CNTN1: variants seen among roughly 807,000 people sequenced by gnomAD.
CNTN1 encodes contactin-1.
CNTN1 carries 38 observed loss-of-function variants against 126.4 expected under a neutral mutation model. That is an observed-to-expected ratio of 0.30 (90% CI 0.23 to 0.39). The LOEUF is 0.39. Ranked by LOEUF, CNTN1 falls within the 10% of genes least tolerant of loss-of-function variation. The pLI is 1.00. For synonymous variants in CNTN1, 413 were observed against 422.6 expected (o/e 0.98, Z 0.28); for missense variants, 1,009 against 1,248.4 (o/e 0.81, Z 2.89).
At chr12:40,876,111 T>C (rs1170674738) in intron 1 of CNTN1, among the ~76,000 whole-genome samples, 3 of 149,492 alleles carry the variant, frequency 2.0e-5, no homozygotes, top group African/African-American at 7.3e-5. Flanking sequence ...AGCTACAGGT[T>C]AAATATTGCT....
At chr12:40,925,001 A>C (rs1432576438) in intron 6 of CNTN1, among the ~76,000 whole-genome samples, 2 of 151,032 alleles carry the variant, frequency 1.3e-5, no homozygotes, top group Non-Finnish European at 3.0e-5. Flanking sequence ...ATGTATAATC[A>C]ATCATTTTCT....
At chr12:40,818,820 G>A (rs1941341832) in intron 1 of CNTN1, among the ~76,000 whole-genome samples, 2 of 152,048 alleles carry the variant, frequency 1.3e-5, no homozygotes, top group South Asian at 4.2e-4. Flanking sequence ...TCTAGTTTTG[G>A]TATTTGAGGC....
chr12:40,874,506 T>G (rs1943606051), intron 1 of CNTN1, among the ~76,000 whole-genome samples: 1 of 152,126 alleles, frequency 6.6e-6, no homozygotes, highest in African/African-American at 2.4e-5. Flanking sequence ...TATAAAGCAA[T>G]ATATAGAAAC....
chr12:40,774,689 T>C (rs947613072), intron 1 of CNTN1, among the ~76,000 whole-genome samples: 1 of 151,578 alleles, frequency 6.6e-6, no homozygotes, highest in Non-Finnish European at 1.5e-5. Context: ...CTCATCTCAA[T>C]ATATAATTTA....
At chr12:40,783,411 T>C (rs1939882765) in intron 1 of CNTN1, among the ~76,000 whole-genome samples, 1 of 152,078 alleles carries the variant, frequency 6.6e-6, no homozygotes, top group Non-Finnish European at 1.5e-5. Context: ...TCAAAAGATT[T>C]TGTGAGTTTT....
At chr12:41,006,851 G>A (rs1190271941) in intron 17 of CNTN1, among the ~76,000 whole-genome samples, 1 of 151,902 alleles carries the variant, frequency 6.6e-6, no homozygotes, top group Admixed American at 6.5e-5. Context: ...AGATGGCTGG[G>A]TAGCTGGGTG....
chr12:40,847,126 A>G (rs1443822188), intron 1 of CNTN1, among the ~76,000 whole-genome samples: 1 of 152,116 alleles, frequency 6.6e-6, no homozygotes, highest in Non-Finnish European at 1.5e-5. Flanking sequence ...TCGGCCTCCC[A>G]AAGTGCTGGG....
At chr12:40,829,175 A>C (rs1763787933) in intron 1 of CNTN1, among the ~76,000 whole-genome samples, 1 of 152,158 alleles carries the variant, frequency 6.6e-6, no homozygotes. Context: ...GAGAAAACAG[A>C]ATTAATAAAT....
At chr12:41,006,108 T>C (rs1436702916) in intron 17 of CNTN1, among the ~76,000 whole-genome samples, 1 of 152,184 alleles carries the variant, frequency 6.6e-6, no homozygotes, top group Admixed American at 6.5e-5. Context: ...TTTTATCCTA[T>C]TTGATGACCT....
chr12:40,697,706 C>T (rs1480447265), intron 1 of CNTN1, among the ~76,000 whole-genome samples: 1 of 152,180 alleles, frequency 6.6e-6, no homozygotes, highest in African/African-American at 2.4e-5. Context: ...TTATGTATAT[C>T]ATATGTATAT....
chr12:41,038,872 C>T (rs1411236677), intron 23 of CNTN1, among the ~76,000 whole-genome samples: 1 of 150,752 alleles, frequency 6.6e-6, no homozygotes, highest in Non-Finnish European at 1.5e-5. Flanking sequence ...CAGGGAGGGG[C>T]TTATTCTGAT....
At chr12:40,730,663 G>C (rs1035725073) in intron 1 of CNTN1, among the ~76,000 whole-genome samples, 3 of 152,076 alleles carry the variant, frequency 2.0e-5, no homozygotes, top group Non-Finnish European at 4.4e-5. Context: ...TAATTAATGG[G>C]TATTTGCTAA....
At chr12:40,819,477 G>C (rs926306393) in intron 1 of CNTN1, among the ~76,000 whole-genome samples, 2 of 152,202 alleles carry the variant, frequency 1.3e-5, no homozygotes, top group African/African-American at 4.8e-5. Context: ...TCCACAGCAA[G>C]TGTGCTGTGC....
At chr12:40,758,881 G>T (rs1592055546) in intron 1 of CNTN1, among the ~76,000 whole-genome samples, 1 of 11,012 alleles carries the variant, frequency 9.1e-5, no homozygotes, top group East Asian at 4.5e-3. Flanking sequence ...GAGGATTCAG[G>T]TTTTATATAT....
chr12:41,041,626 G>T (rs573954592), intron 23 of CNTN1, among the ~76,000 whole-genome samples: 1,710 of 151,806 alleles, frequency 0.011, 26 homozygotes, highest in African/African-American at 0.034. Context: ...AGTCAACTTC[G>T]TCCTGGTTTA....
intron 1 of CNTN1, among the ~76,000 whole-genome samples, chr12:40,808,099 T>A (rs1343406526): frequency 1.3e-5 from 2 of 152,206 alleles, no homozygotes; most frequent in African/African-American, 4.8e-5. Flanking sequence ...GGTGTTCTTT[T>A]AGATTCAGTC....
chr12:40,996,084 G>C (rs545306232), intron 17 of CNTN1, among the ~76,000 whole-genome samples: 1 of 151,856 alleles, frequency 6.6e-6, no homozygotes, highest in African/African-American at 2.4e-5. Flanking sequence ...TGGAATGCCC[G>C]CATTATTATC....
intron 1 of CNTN1, among the ~76,000 whole-genome samples, chr12:40,732,869 T>C (rs1942533972): frequency 6.6e-6 from 1 of 152,104 alleles, no homozygotes; most frequent in Non-Finnish European, 1.5e-5. Flanking sequence ...TTTGCCTACA[T>C]AATATTAATA....
intron 23 of CNTN1, among the ~76,000 whole-genome samples, chr12:41,065,246 G>A (rs1950024066): frequency 2.0e-5 from 3 of 152,080 alleles, no homozygotes; most frequent in Admixed American, 6.6e-5. Flanking sequence ...TAGTAGAAAC[G>A]GGGTTTCACC....
Sources: gnomAD v4.1 joint callset for allele counts (sites outside exome capture counted in the v4.1 genomes callset) on GRCh38, gnomAD v4.1.1 for gene constraint, MANE v1.5 for transcripts, NCBI Gene and HGNC (gene_info 2026-07-23, HGNC 2026-07-21) for gene names.